Variants in DYNC2H1 observed in about 807,000 individuals in gnomAD.
DYNC2H1 encodes cytoplasmic dynein 2 heavy chain 1.
A neutral mutation model predicts 570.0 loss-of-function variants in DYNC2H1; 410 were observed. That is an observed-to-expected ratio of 0.72 (90% CI 0.66 to 0.78). The LOEUF (loss-of-function observed/expected upper bound fraction) is 0.78, where lower values mean the gene tolerates loss of function less well. Ranked by LOEUF, DYNC2H1 falls within the 30% of genes least tolerant of loss-of-function variation. The probability of loss-of-function intolerance (pLI) is 0.00; values close to 1 mark genes in which losing one functional copy is unlikely to be tolerated. For missense variants in DYNC2H1, 4,865 were observed against 5,046.4 expected (o/e 0.96, Z 1.09); for synonymous variants, 1,688 against 1,677.6 (o/e 1.01, Z -0.15).
rs1360342354 is a variant in DYNC2H1, at chr11:103,122,895, G to A, written c.1556G>A (p.Ser519Asn). 3 of 1,613,132 alleles carry A rather than the reference G, an allele frequency of 1.9e-6. No individual in the cohort carries two copies. The highest frequency in any genetic ancestry group is 2.5e-6 in the Non-Finnish European group (3 of 1,179,534). Residue 519 changes from serine to asparagine, a missense_variant, in exon 11 of 89, where the codon AGT (serine) becomes AAT (asparagine). Coordinates refer to ENST00000375735, the MANE Select transcript of DYNC2H1 (RefSeq NM_001377.3). ...CCAGGATTTCGATGTTTCCATCAAA[G>A]TGCCAAAGATCTCTTAGACCAGCTT... Reference protein sequence around the residue: ...DLPGFRCFHQSAKDLLDQLKL... With the variant: ...DLPGFRCFHQNAKDLLDQLKL...
chr11:103,314,269 GTTCT>G (rs1565488099), intron 79 of DYNC2H1, among the ~76,000 whole-genome samples: 7 of 151,992 alleles, frequency 4.6e-5, no homozygotes, highest in Non-Finnish European at 8.8e-5. Context: ...ATGCATTTAT[GTTCT>G]TTATAACTCA....
At chr11:103,183,744 A>T (rs1043195969) in intron 40 of DYNC2H1, among the ~76,000 whole-genome samples, 2 of 151,504 alleles carry the variant, frequency 1.3e-5, no homozygotes, top group Admixed American at 1.3e-4. Context: ...AAAATCTGGA[A>T]CTCTCAGTAT....
At chr11:103,274,430 T>C (rs569746154) in intron 70 of DYNC2H1, among the ~76,000 whole-genome samples, 8 of 152,300 alleles carry the variant, frequency 5.3e-5, no homozygotes, top group African/African-American at 1.9e-4. Flanking sequence ...AACAATATCA[T>C]TAAATGATAA....
At chr11:103,426,327 C>CT (rs1251963501) in intron 84 of DYNC2H1, among the ~76,000 whole-genome samples, 1 of 152,176 alleles carries the variant, frequency 6.6e-6, no homozygotes, top group African/African-American at 2.4e-5. Context: ...CTACTCCACA[C>CT]TTTATATTTC....
In DYNC2H1 at chr11:103,326,979, GTGGA is replaced by G. The variant is rs1474514100; in HGVS notation, c.12039+2992_12039+2995del. 6.6e-6 allele frequency among the ~76,000 whole-genome samples: 1 copy of G among 152,190 alleles called. No individual in the cohort carries two copies. The highest frequency in any genetic ancestry group is 1.9e-4 in the East Asian group (1 of 5,174). On this transcript the variant is annotated intron_variant, in intron 82 of 88. Transcript: ENST00000375735. The surrounding 1 kb of genome is among the most constrained non-coding windows in gnomAD (Gnocchi z 6.1). ...TCCTCCACCAGCTCACACATCCATG[GTGGA>G]TGCGGGGTCCGCTGAGCTAGGATTC... is the stretch of plus-strand genomic sequence containing the variant.
At chr11:103,150,392 T>C (rs761891069) in intron 20 of DYNC2H1, among the ~76,000 whole-genome samples, 2 of 152,052 alleles carry the variant, frequency 1.3e-5, no homozygotes, top group East Asian at 1.9e-4. Context: ...GTAGTGGAGA[T>C]AGAACTATAT....
intron 69 of DYNC2H1, 25 bp from the exon 70 acceptor site, chr11:103,259,863 A>T: frequency 7.0e-7 from 1 of 1,428,616 alleles, no homozygotes; most frequent in South Asian, 1.4e-5. Flanking sequence ...AAATTTCCTA[A>T]TGAATTTCCA....
intron 17 of DYNC2H1, among the ~76,000 whole-genome samples, chr11:103,139,180 A>T (rs1161425977): frequency 1.3e-5 from 2 of 151,962 alleles, no homozygotes; most frequent in Non-Finnish European, 2.9e-5. Context: ...GGATTCATTA[A>T]TTTTTTGAAT....
At chr11:103,139,841 T>C (rs1859803493) in intron 17 of DYNC2H1, among the ~76,000 whole-genome samples, 1 of 152,174 alleles carries the variant, frequency 6.6e-6, no homozygotes, top group South Asian at 2.1e-4. Flanking sequence ...TATTATTGTG[T>C]GGGAGTCTAA....
chr11:103,307,176 T>C (rs1867329506), intron 77 of DYNC2H1, among the ~76,000 whole-genome samples: 1 of 152,236 alleles, frequency 6.6e-6, no homozygotes, highest in South Asian at 2.1e-4. Context: ...ATGAGAAGCA[T>C]GGGCAGATGA....
chr11:103,385,536 T>G (rs924605564), intron 83 of DYNC2H1, among the ~76,000 whole-genome samples: 2 of 152,180 alleles, frequency 1.3e-5, no homozygotes, highest in Non-Finnish European at 2.9e-5. Context: ...ATTGCCTAGT[T>G]TATTGGTCTG....
intron 88 of DYNC2H1, among the ~76,000 whole-genome samples, chr11:103,475,984 T>C (rs1372869378): frequency 6.6e-6 from 1 of 152,160 alleles, no homozygotes; most frequent in African/African-American, 2.4e-5. Flanking sequence ...AAAAAGATAA[T>C]TTAAGACCTT....
intron 83 of DYNC2H1, among the ~76,000 whole-genome samples, chr11:103,396,202 C>T (rs1177232587): frequency 1.3e-5 from 2 of 152,152 alleles, no homozygotes; most frequent in African/African-American, 4.8e-5. Flanking sequence ...CTGAGAAGGA[C>T]TCTGATGTTA....
chr11:103,288,694 A>AAAAAG (rs1476655167), intron 75 of DYNC2H1, among the ~76,000 whole-genome samples: 8 of 145,358 alleles, frequency 5.5e-5, no homozygotes, highest in Non-Finnish European at 9.2e-5. Context: ...TAAAAAAAAA[A>AAAAAG]AAAAAAAAAA....
At chr11:103,411,315 GT>G (rs1478924520) in intron 84 of DYNC2H1, among the ~76,000 whole-genome samples, 4 of 152,032 alleles carry the variant, frequency 2.6e-5, no homozygotes, top group Non-Finnish European at 5.9e-5. Flanking sequence ...TCAGAAGGGT[GT>G]ATTCAAGGTA....
At chr11:103,368,183 T>G (rs1467141861) in intron 83 of DYNC2H1, among the ~76,000 whole-genome samples, 1 of 152,218 alleles carries the variant, frequency 6.6e-6, no homozygotes. Flanking sequence ...CTCTGTACTT[T>G]TAAAATAATA....
intron 70 of DYNC2H1, among the ~76,000 whole-genome samples, chr11:103,276,188 T>TACACACACAC (rs150556013): frequency 0.053 from 8,087 of 151,434 alleles, 691 homozygotes; most frequent in African/African-American, 0.18. Context: ...TATTGAGTAC[T>TACACACACAC]ACACACACAC....
In DYNC2H1 at chr11:103,197,906, A is replaced by T. The variant is rs565017186; in HGVS notation, c.7709-27A>T. Reference sequence around the variant, plus strand: ...ACTCTCATTACGAGTAATGCATATAAAACAAAAATATCATTTATTTCCACA... The same window carrying T: ...ACTCTCATTACGAGTAATGCATATATAACAAAAATATCATTTATTTCCACA... On this transcript the variant is annotated intron_variant, in intron 47 of 88. Coordinates refer to ENST00000375735, the MANE Select transcript of DYNC2H1 (RefSeq NM_001377.3). The T allele has an allele frequency of 1.3e-4, 197 of 1,556,210 alleles. 3 individuals are homozygous for T. In the South Asian group the frequency reaches 1.5e-3, roughly 12 times the overall value.
In DYNC2H1 at chr11:103,461,073, A is replaced by G. The variant is rs1944994121; in HGVS notation, c.12648+4717A>G. ...AACTTTTCCTCTCTCTGGTCCATTCATGTGAGCTATAAAAGCACATTTTCT... is the reference window on the plus strand; with the variant it reads ...AACTTTTCCTCTCTCTGGTCCATTCGTGTGAGCTATAAAAGCACATTTTCT... On this transcript the variant is annotated intron_variant, in intron 87 of 88. Transcript: ENST00000375735. The surrounding 1 kb of genome is among the most constrained non-coding windows in gnomAD (Gnocchi z 4.8). Among the ~76,000 whole-genome samples, 1 of 152,198 alleles carries G rather than the reference A, an allele frequency of 6.6e-6. No individual in the cohort carries two copies. The highest frequency in any genetic ancestry group is 1.5e-5 in the Non-Finnish European group (1 of 68,038).
Sources: gnomAD v4.1 joint callset for allele counts (sites outside exome capture counted in the v4.1 genomes callset) on GRCh38, gnomAD v4.1.1 for gene constraint, Gnocchi (gnomAD v3.1) non-coding constraint, MANE v1.5 for transcripts, NCBI Gene and HGNC (gene_info 2026-07-23, HGNC 2026-07-21) for gene names.